The following NIPBL variants were observed in gnomAD, a reference collection of about 807,000 sequenced individuals.
NIPBL encodes the protein nipped-B-like protein.
Under a neutral mutation model 321.8 loss-of-function variants are expected in NIPBL, and 19 were observed. That is an observed-to-expected ratio of 0.06 (90% CI 0.04 to 0.09). The LOEUF (loss-of-function observed/expected upper bound fraction) is 0.09, where lower values mean the gene tolerates loss of function less well. Ranked by LOEUF, NIPBL falls within the 10% of genes least tolerant of loss-of-function variation. The pLI is 1.00. For synonymous variants in NIPBL, 1,106 were observed against 1,114.1 expected (o/e 0.99, Z 0.14); for missense variants, 2,210 against 3,327.0 (o/e 0.66, Z 8.26).
At chr5:36,885,027 A>G (rs1745785531) in intron 1 of NIPBL, among the ~76,000 whole-genome samples, 1 of 152,214 alleles carries the variant, frequency 6.6e-6, no homozygotes, top group Admixed American at 6.5e-5. Context: ...TGAAATATCT[A>G]AATACTTTCT....
chr5:37,000,285 T>A, intron 11 of NIPBL, 88 bp from the exon 12 acceptor site: 1 of 1,307,780 alleles, frequency 7.6e-7, no homozygotes, highest in Non-Finnish European at 1.1e-6. Flanking sequence ...ATGAAGATTT[T>A]TTTCCCCATG....
chr5:36,962,708 A>AT (rs914081012), intron 6 of NIPBL, among the ~76,000 whole-genome samples: 1 of 152,176 alleles, frequency 6.6e-6, no homozygotes, highest in Non-Finnish European at 1.5e-5. Context: ...TGGAAAAAAA[A>AT]TTGAGTCTGT....
At chr5:36,930,422 C>CT (rs539357180) in intron 1 of NIPBL, among the ~76,000 whole-genome samples, 5 of 151,678 alleles carry the variant, frequency 3.3e-5, no homozygotes, top group African/African-American at 1.2e-4. Flanking sequence ...TCTAGCTGAG[C>CT]TTTTTTTTGA....
At chr5:36,925,194 ACT>A (rs1260548981) in intron 1 of NIPBL, among the ~76,000 whole-genome samples, 1 of 150,546 alleles carries the variant, frequency 6.6e-6, no homozygotes, top group African/African-American at 2.4e-5. Context: ...ACTTTAAAAC[ACT>A]CTTTTCTAGT....
In NIPBL at chr5:37,022,344, C is replaced by G; in HGVS notation, c.5528C>G (p.Pro1843Arg). 1 of 1,613,826 alleles carries G rather than the reference C, an allele frequency of 6.2e-7. No homozygotes were observed. The highest frequency in any genetic ancestry group is 8.5e-7 in the Non-Finnish European group (1 of 1,179,912). Reference sequence around the variant, plus strand: ...CTAGGTCGATTTGTCCTTTGTCGACCTCAGCTTGCTGAACAGTATTATGAT... The same window carrying G: ...CTAGGTCGATTTGTCCTTTGTCGACGTCAGCTTGCTGAACAGTATTATGAT... ...ELLGRFVLCR[P>R]QLAEQYYDML... is the part of the protein sequence containing the mutation. Residue 1843 changes from proline to arginine, a missense_variant, in exon 29 of 47, where the codon CCT becomes CGT. By Grantham distance (103) the Pro-to-Arg change is moderately radical (BLOSUM62 -2). This residue lies in a region of NIPBL where 49 missense variants were observed against 163.6 expected (regional missense o/e 0.30). Transcript: ENST00000282516.
At position 36,961,574 on chromosome 5, in the gene NIPBL, G is replaced by A; in HGVS notation, c.449G>A (p.Ser150Asn). Residue 150 changes from serine to asparagine, a missense_variant, in exon 5 of 47, where the codon AGC becomes AAC. By Grantham distance (46) the Ser-to-Asn change is conservative. Around this residue, in one of 14 missense-constraint regions of NIPBL, gnomAD observed 464 missense variants for 529.5 expected, o/e 0.88. Transcript: ENST00000282516. ...SNYQQTTISH[S>N]PSSRFVPPQT... is the part of the protein sequence containing the mutation. The stretch of plus-strand genomic sequence containing the variant: ...TATCAACAAACCACTATCTCACATA[G>A]CCCCTCCAGGTAATATATGTATATA... 6.4e-7 allele frequency: 1 copy of A among 1,567,910 alleles called. No homozygotes were observed. The highest frequency in any genetic ancestry group is 1.7e-5 in the Admixed American group (1 of 59,932).
intron 6 of NIPBL, among the ~76,000 whole-genome samples, chr5:36,963,040 A>T (rs1449705245): frequency 6.6e-6 from 1 of 152,140 alleles, no homozygotes; most frequent in Non-Finnish European, 1.5e-5. Flanking sequence ...AATTAATCTT[A>T]GATGCAAAAA....
At chr5:36,907,253 G>A (rs570480244) in intron 1 of NIPBL, among the ~76,000 whole-genome samples, 6 of 152,166 alleles carry the variant, frequency 3.9e-5, no homozygotes, top group Non-Finnish European at 7.4e-5. Context: ...TAGTTGTTGC[G>A]ATGTCTTTAT....
intron 1 of NIPBL, among the ~76,000 whole-genome samples, chr5:36,902,547 G>T (rs1305837987): frequency 6.6e-6 from 1 of 152,152 alleles, no homozygotes; most frequent in African/African-American, 2.4e-5. Flanking sequence ...TCAGAGATTA[G>T]ATGTTTTAGG....
chr5:36,912,501 AT>A (rs773223714), intron 1 of NIPBL, among the ~76,000 whole-genome samples: 425 of 136,772 alleles, frequency 3.1e-3, no homozygotes, highest in East Asian at 4.5e-3. Flanking sequence ...TGTATTACTG[AT>A]TTTTTTTTTT....
intron 32 of NIPBL, among the ~76,000 whole-genome samples, chr5:37,027,617 T>G (rs1447180294): frequency 1.4e-5 from 2 of 140,890 alleles, no homozygotes; most frequent in African/African-American, 5.3e-5. Flanking sequence ...TTTTTTTTTT[T>G]TTTTTTTTTT....
At chr5:37,040,938 T>C (rs1050862273) in intron 34 of NIPBL, among the ~76,000 whole-genome samples, 5 of 152,326 alleles carry the variant, frequency 3.3e-5, no homozygotes, top group African/African-American at 1.2e-4. Flanking sequence ...GCATCTTTTC[T>C]TGGTACTGAC....
In NIPBL at chr5:37,010,044, G is replaced by A. The variant is rs914891469; in HGVS notation, c.4422-43G>A. ...CAGACAATAGATGACATTTAAATGA[G>A]ATTATCTTGATACTCCATACAAATT... On this transcript the variant is annotated intron_variant, in intron 20 of 46. Coordinates refer to ENST00000282516, the MANE Select transcript of NIPBL (RefSeq NM_133433.4). 3 of 1,451,468 alleles carry A rather than the reference G, an allele frequency of 2.1e-6. No homozygotes were observed. In the African/African-American group the frequency reaches 4.2e-5, roughly 20 times the overall value. 89.9% of individuals were successfully genotyped at this position (1,451,468 alleles called of 1,614,324 possible).
At chr5:37,037,320 A>G (rs571758461) in intron 33 of NIPBL, among the ~76,000 whole-genome samples, 149 of 151,088 alleles carry the variant, frequency 9.9e-4, no homozygotes, top group African/African-American at 3.4e-3. Context: ...CCCGGGAGGC[A>G]GAGCTTGCAG....
chr5:36,956,361 C>T (rs1186947538), intron 3 of NIPBL, among the ~76,000 whole-genome samples: 2 of 151,988 alleles, frequency 1.3e-5, no homozygotes, highest in African/African-American at 2.4e-5. Context: ...CATGTAACCT[C>T]GCATTCTTTA....
chr5:36,970,351 A>T (rs564479125), intron 6 of NIPBL, among the ~76,000 whole-genome samples: 1 of 151,628 alleles, frequency 6.6e-6, no homozygotes, highest in South Asian at 2.1e-4. Flanking sequence ...ATGCCAGTGA[A>T]CTCCAGTCTA....
At chr5:37,039,120 C>G (rs1028934672) in intron 34 of NIPBL, among the ~76,000 whole-genome samples, 2 of 151,802 alleles carry the variant, frequency 1.3e-5, no homozygotes, top group Non-Finnish European at 2.9e-5. Flanking sequence ...TTGCTTGAAG[C>G]ACACAAAGAC....
At chr5:36,886,151 A>T (rs1745890478) in intron 1 of NIPBL, 3 of 643,732 alleles carry the variant, frequency 4.7e-6, no homozygotes, top group Admixed American at 4.2e-5. Flanking sequence ...AAGAAATCTG[A>T]AGGCCAGCTT....
chr5:36,935,190 C>T (rs1291240690), intron 1 of NIPBL, among the ~76,000 whole-genome samples: 2 of 152,108 alleles, frequency 1.3e-5, no homozygotes, highest in Non-Finnish European at 2.9e-5. Context: ...AGGCAGTGGG[C>T]TCTTAATGTT....
Sources: gnomAD v4.1 joint callset for allele counts (sites outside exome capture counted in the v4.1 genomes callset) on GRCh38, gnomAD v4.1.1 for gene constraint, gnomAD v4.1.1 regional missense constraint, MANE v1.5 for transcripts, NCBI Gene and HGNC (gene_info 2026-07-23, HGNC 2026-07-21) for gene names.